Variants in ABCG8 observed in about 807,000 individuals in gnomAD.
ABCG8 encodes ATP binding cassette subfamily G member 8, also known as ATP-binding cassette sub-family G member 8.
A neutral mutation model predicts 71.3 loss-of-function variants in ABCG8; 81 were observed. The ratio of observed to expected loss-of-function variants is 1.14; its 90% CI spans 0.95 to 1.37. The LOEUF is 1.37. ABCG8 is among the 40% of genes most tolerant of loss of function. ABCG8 has a pLI of 0.00. For missense variants in ABCG8, 1,119 were observed against 866.2 expected, an observed-to-expected ratio of 1.29 and a Z score of -3.66; for synonymous variants, 451 against 354.7, an observed-to-expected ratio of 1.27 and a Z score of -3.05.
rs940756456 is a variant in ABCG8 at position 43,862,151 on chromosome 2, G to T, written c.964+9283G>T. On this transcript the variant is annotated intron_variant, in intron 6 of 12. Transcript: ENST00000272286. ...ACCTGGAAAGAACTCTCAGTATCTG[G>T]CTAGATTTCTCACCATCTGGGTAGA... Among the ~76,000 whole-genome samples the T allele has an allele frequency of 7.3e-5, 11 of 150,530 alleles. No individual in the cohort carries two copies. The East Asian group carries it at 1.8e-3, about 24-fold the overall frequency.
chr2:43,844,390 T>G, intron 1 of ABCG8, 117 bp from the exon 2 acceptor site: 106 of 794,616 alleles, frequency 1.3e-4, no homozygotes, highest in Middle Eastern at 2.2e-4. Context: ...GTTGCCAATT[T>G]GAGATTTAAC....
At chr2:43,850,303 A>G (rs1422617411) in intron 3 of ABCG8, among the ~76,000 whole-genome samples, 2 of 152,164 alleles carry the variant, frequency 1.3e-5, no homozygotes, top group Admixed American at 6.5e-5. Flanking sequence ...CCTGAGCCCA[A>G]TCCGCATTCA....
intron 6 of ABCG8, among the ~76,000 whole-genome samples, chr2:43,864,423 T>A (rs1669447667): frequency 6.6e-6 from 1 of 151,758 alleles, no homozygotes; most frequent in South Asian, 2.1e-4. Context: ...ATTCTCACCA[T>A]CTGAATAGAA....
At chr2:43,863,528 G>T (rs1669408219) in intron 6 of ABCG8, among the ~76,000 whole-genome samples, 1 of 149,842 alleles carries the variant, frequency 6.7e-6, no homozygotes, top group Admixed American at 6.6e-5. Flanking sequence ...GTCACTATCT[G>T]GATAGAATTC....
chr2:43,865,899 C>T (rs528231517), intron 6 of ABCG8, among the ~76,000 whole-genome samples: 107 of 152,202 alleles, frequency 7.0e-4, no homozygotes, highest in African/African-American at 2.6e-3. Context: ...ATAGAATGCT[C>T]ACTCTGTGGA....
intron 1 of ABCG8, among the ~76,000 whole-genome samples, chr2:43,842,619 T>C (rs1402372707): frequency 6.6e-6 from 1 of 152,092 alleles, no homozygotes; most frequent in African/African-American, 2.4e-5. Flanking sequence ...TTGTGAAATA[T>C]CGTACACAAA....
chr2:43,852,567 C>T (rs748129813), intron 5 of ABCG8, 32 bp from the exon 6 acceptor site: 51 of 1,613,888 alleles, frequency 3.2e-5, no homozygotes, highest in South Asian at 1.3e-4. Context: ...AGAGCCCCAC[C>T]GACTCACCAG....
intron 8 of ABCG8, among the ~76,000 whole-genome samples, 158 bp from the exon 9 acceptor site, chr2:43,873,629 G>A (rs778457188): frequency 2.6e-5 from 4 of 152,128 alleles, no homozygotes; most frequent in African/African-American, 9.7e-5. Flanking sequence ...GCTGTCATCA[G>A]TTTTCTGATT....
At chr2:43,857,808 C>G (rs1348303632) in intron 6 of ABCG8, among the ~76,000 whole-genome samples, 3 of 151,702 alleles carry the variant, frequency 2.0e-5, no homozygotes, top group Non-Finnish European at 4.4e-5. Context: ...CGTTAGAACT[C>G]TCACTACCTG....
intron 6 of ABCG8, among the ~76,000 whole-genome samples, chr2:43,870,363 A>G (rs1171359393): frequency 6.6e-6 from 1 of 152,132 alleles, no homozygotes; most frequent in African/African-American, 2.4e-5. Context: ...CTCTCTGGAT[A>G]GAATTCTCAC....
chr2:43,858,730 G>C (rs557634783), intron 6 of ABCG8, among the ~76,000 whole-genome samples: 1 of 118,834 alleles, frequency 8.4e-6, no homozygotes, highest in Non-Finnish European at 1.9e-5. Flanking sequence ...CACCGTCTGG[G>C]TAGAACTCTC....
At chr2:43,848,842 C>T (rs1241207510) in intron 3 of ABCG8, among the ~76,000 whole-genome samples, 1 of 151,128 alleles carries the variant, frequency 6.6e-6, no homozygotes, top group Admixed American at 6.6e-5. Flanking sequence ...ATGGTGAAAC[C>T]CTGTCTCTAC....
At chr2:43,869,938 T>C (rs1669699293) in intron 6 of ABCG8, among the ~76,000 whole-genome samples, 3 of 152,040 alleles carry the variant, frequency 2.0e-5, no homozygotes. Flanking sequence ...TGGATGGAAT[T>C]CTCACTGTCG....
At chr2:43,860,701 A>G (rs1669282218) in intron 6 of ABCG8, among the ~76,000 whole-genome samples, 1 of 151,036 alleles carries the variant, frequency 6.6e-6, no homozygotes, top group African/African-American at 2.4e-5. Flanking sequence ...CTCTCTGGAT[A>G]GAATTCTCAC....
At chr2:43,855,892 G>A (rs1669088105) in intron 6 of ABCG8, among the ~76,000 whole-genome samples, 1 of 151,342 alleles carries the variant, frequency 6.6e-6, no homozygotes. Flanking sequence ...CTATCTGTCT[G>A]GATAGAATTC....
chr2:43,875,015 A>C (rs993346284), intron 10 of ABCG8, 131 bp from the exon 11 acceptor site: 1 of 1,319,700 alleles, frequency 7.6e-7, no homozygotes, highest in Non-Finnish European at 1.1e-6. Context: ...GTCCCAGCAC[A>C]CCCTCCTGCC....
rs752255874 is a variant in ABCG8, at chr2:43,874,497, G to T, written c.1488+14G>T. 46 of 1,574,618 alleles carry T rather than the reference G, an allele frequency of 2.9e-5. No homozygotes were observed. The African/African-American group carries it at 5.5e-4, about 19-fold the overall frequency. ...TTCTTTGCCAAGGTGACTGGGCAGG[G>T]TTGAGAGCAAGTGCCCCCCACCCAC... On this transcript the variant is annotated intron_variant, in intron 10 of 12. Transcript: ENST00000272286.
chr2:43,845,405 C>G (rs1417936459), intron 2 of ABCG8, among the ~76,000 whole-genome samples: 2 of 151,988 alleles, frequency 1.3e-5, no homozygotes, highest in African/African-American at 4.8e-5. Flanking sequence ...GCTTAACTGC[C>G]CTGAGCCTCA....
At position 43,844,274 on chromosome 2, in the gene ABCG8, C is replaced by A. The variant is rs937711546; in HGVS notation, c.64-233C>A. ...GAGGTTGAGGTTCTCTGGGAAGGTGCCCCGGGAGAAGCCCCAAACCTCTCT... is the reference window on the plus strand; with the variant it reads ...GAGGTTGAGGTTCTCTGGGAAGGTGACCCGGGAGAAGCCCCAAACCTCTCT... On this transcript the variant is annotated intron_variant, in intron 1 of 12. Transcript: ENST00000272286. Among the ~76,000 whole-genome samples, 24 of 152,048 alleles carry A rather than the reference C, an allele frequency of 1.6e-4. 1 individual carries two copies. Among genetic ancestry groups the A allele is most frequent in the African/African-American group, 5.6e-4 (23 of 41,412 alleles).
Sources: gnomAD v4.1 joint callset for allele counts (sites outside exome capture counted in the v4.1 genomes callset) on GRCh38, gnomAD v4.1.1 for gene constraint, MANE v1.5 for transcripts, NCBI Gene and HGNC (gene_info 2026-07-23, HGNC 2026-07-21) for gene names.